Variants in CSF1R observed in about 807,000 individuals in gnomAD.
The protein encoded by CSF1R is macrophage colony-stimulating factor 1 receptor.
CSF1R carries 40 observed loss-of-function variants against 110.0 expected under a neutral mutation model. The observed-to-expected ratio is 0.36, with a 90% CI of 0.28 to 0.47. CSF1R has a LOEUF of 0.47. CSF1R is among the 20% of genes least tolerant of loss of function. The pLI is 0.99. For synonymous variants in CSF1R, 523 were observed against 503.4 expected (o/e 1.04, Z -0.52); for missense variants, 1,052 against 1,253.0 (o/e 0.84, Z 2.42).
At chr5:150,061,173 G>A (rs1440798439) in intron 12 of CSF1R, among the ~76,000 whole-genome samples, 1 of 152,206 alleles carries the variant, frequency 6.6e-6, no homozygotes. Flanking sequence ...GGATGAGCCT[G>A]TCACTGAGCT....
At chr5:150,062,117 C>T (rs146590564) in intron 10 of CSF1R, among the ~76,000 whole-genome samples, 2 of 152,264 alleles carry the variant, frequency 1.3e-5, no homozygotes, top group African/African-American at 2.4e-5. Context: ...AAGACAACCT[C>T]TGAGGGCCCT....
upstream of CSF1R, among the ~76,000 whole-genome samples, chr5:150,090,808 T>C (rs567857933): frequency 1.3e-5 from 2 of 151,980 alleles, no homozygotes; most frequent in East Asian, 3.9e-4. Context: ...AAGAATAGAC[T>C]CCAAAAGTGG....
chr5:150,063,197 C>T (rs1757609051), intron 10 of CSF1R, among the ~76,000 whole-genome samples: 2 of 152,058 alleles, frequency 1.3e-5, no homozygotes, highest in South Asian at 2.1e-4. Context: ...TTTGTAGAGA[C>T]GGGGCTTTGT....
chr5:150,107,414 G>C (rs141617898), intron 1 of CSF1R, among the ~76,000 whole-genome samples: 1 of 152,272 alleles, frequency 6.6e-6, no homozygotes, highest in Non-Finnish European at 1.5e-5. Flanking sequence ...GGACTGTTCT[G>C]GTTGATCCAT....
intron 1 of CSF1R, among the ~76,000 whole-genome samples, chr5:150,095,575 A>G (rs1352751764): frequency 1.3e-5 from 2 of 152,160 alleles, no homozygotes; most frequent in African/African-American, 4.8e-5. Flanking sequence ...GAATTGGATA[A>G]GAAAACAATG....
At position 150,105,157 on chromosome 5, in the gene CSF1R, G is replaced by T. The variant is rs1759509709; in HGVS notation, c.-181+8104C>A. On this transcript the variant is annotated intron_variant, in intron 1 of 21. Coordinates refer to the CSF1R transcript ENST00000286301. ...AGATCAGGAGATGGAGACCAGCCTGGCTAACACAGTGAAACCCTGTCTCTC... is the reference window on the plus strand; with the variant it reads ...AGATCAGGAGATGGAGACCAGCCTGTCTAACACAGTGAAACCCTGTCTCTC... 2.6e-5 allele frequency among the ~76,000 whole-genome samples: 4 copies of T among 151,300 alleles called. No homozygotes were observed. The South Asian group carries it at 6.3e-4, about 24-fold the overall frequency.
intron 1 of CSF1R, among the ~76,000 whole-genome samples, chr5:150,084,715 G>A (rs1758756310): frequency 6.6e-6 from 1 of 151,910 alleles, no homozygotes; most frequent in Non-Finnish European, 1.5e-5. Flanking sequence ...GCCTCCCAGA[G>A]TGCTGGGATT....
At chr5:150,065,821 A>G (rs529408661) in intron 10 of CSF1R, among the ~76,000 whole-genome samples, 23 of 152,324 alleles carry the variant, frequency 1.5e-4, no homozygotes, top group African/African-American at 5.5e-4. Context: ...GACATGTTCC[A>G]AAAATGGTCC....
At chr5:150,100,860 A>G (rs577072584) in intron 1 of CSF1R, among the ~76,000 whole-genome samples, 2 of 152,316 alleles carry the variant, frequency 1.3e-5, no homozygotes, top group East Asian at 1.9e-4. Context: ...GTATTTATAT[A>G]ATAGTATAAT....
At chr5:150,076,635 C>T (rs151023078) in intron 5 of CSF1R, among the ~76,000 whole-genome samples, 99 of 152,314 alleles carry the variant, frequency 6.5e-4, no homozygotes, top group African/African-American at 2.2e-3. Context: ...CCTTTACCTC[C>T]GGCTTCTGCC....
intron 1 of CSF1R, among the ~76,000 whole-genome samples, chr5:150,102,983 A>T (rs1441636197): frequency 6.6e-6 from 1 of 152,184 alleles, no homozygotes; most frequent in Non-Finnish European, 1.5e-5. Flanking sequence ...AGGCTGAGCC[A>T]TTTATTGTTT....
intron 14 of CSF1R, 100 bp downstream of exon 14, chr5:150,059,600 C>T: frequency 7.1e-7 from 1 of 1,418,018 alleles, no homozygotes; most frequent in Non-Finnish European, 9.7e-7. Flanking sequence ...GCTGCATAGC[C>T]ACCCATTCAT....
At position 150,053,505 on chromosome 5, in the gene CSF1R, G is replaced by C. The variant is rs1326625086; in HGVS notation, c.*564C>G. 1 of 238,518 alleles carries C rather than the reference G, an allele frequency of 4.2e-6. No homozygotes were observed. Among genetic ancestry groups the C allele is most frequent in the Non-Finnish European group, 8.3e-6 (1 of 120,988 alleles). The allele number at this position is 238,518 out of a possible 1,614,324, so 14.8% of individuals were successfully genotyped here. A position where few individuals can be genotyped will look rare whatever the true frequency, so the allele number is the denominator to read the frequency against. ...GGCTCATTACAGCAGTACCAGTATG[G>C]GGGTGGGAGGGGTGAGGCTGTGGAG... On this transcript the variant is annotated 3_prime_UTR_variant, in exon 21 of 21. Coordinates refer to ENST00000675795, the MANE Select transcript of CSF1R (RefSeq NM_001288705.3).
At chr5:150,068,504 G>A (rs1032763648) in intron 9 of CSF1R, among the ~76,000 whole-genome samples, 174 bp from the exon 10 acceptor site, 1 of 152,140 alleles carries the variant, frequency 6.6e-6, no homozygotes, top group African/African-American at 2.4e-5. Context: ...CCCGAGAAAG[G>A]CAGAGAGGAC....
rs764885932 is a variant in CSF1R, at chr5:150,068,365, G to A, written c.1511-35C>T. Reference sequence around the variant, plus strand: ...ATGAAGCAAAGCAGTGAGCAGGCAGGGGTGCCTCCGAGCCCCCTGAGGTCA... The same window carrying A: ...ATGAAGCAAAGCAGTGAGCAGGCAGAGGTGCCTCCGAGCCCCCTGAGGTCA... On this transcript the variant is annotated intron_variant, in intron 9 of 20. Transcript: ENST00000675795. The A allele has an allele frequency of 1.4e-5, 22 of 1,541,892 alleles. No individual in the cohort carries two copies. The South Asian group carries it at 2.0e-4, about 14-fold the overall frequency.
chr5:150,059,615 C>T, intron 14 of CSF1R, 85 bp downstream of exon 14: 1 of 1,526,174 alleles, frequency 6.6e-7, no homozygotes, highest in Admixed American at 1.8e-5. Flanking sequence ...ATTCATGAGC[C>T]ATCCAACCCT....
chr5:150,061,463 C>A (rs1168476371), intron 12 of CSF1R, 28 bp downstream of exon 12: 1 of 1,118,566 alleles, frequency 8.9e-7, no homozygotes, highest in Non-Finnish European at 1.3e-6. Context: ...ACCCCCCATC[C>A]CTTCCCTCAT....
chr5:150,069,913 G>A lies in CSF1R; in HGVS notation c.1470C>T (p.Ser490=), dbSNP rs1052878731. 6.2e-6 allele frequency: 10 copies of A among 1,613,752 alleles called. No individual in the cohort carries two copies. The highest frequency in any genetic ancestry group is 1.7e-5 in the Admixed American group (1 of 59,994). ...NQTYECRAHN[S]VGSGSWAFIP... ...TGAAGGCCCAGGAGCCACTCCCCAC[G>A]CTGTTGTGGGCCCTGCACTCGTAGG... The change falls in exon 9 of 21, where the codon AGC becomes AGT. Residue 490 remains serine, a synonymous_variant. Transcript: ENST00000675795.
In CSF1R at chr5:150,070,510, G is replaced by A. The variant is rs2113810033; in HGVS notation, c.1144C>T (p.Leu382=). Residue 382 remains leucine, a synonymous_variant, in exon 7 of 21, where the codon CTG becomes TTG. Coordinates refer to ENST00000675795, the MANE Select transcript of CSF1R (RefSeq NM_001288705.3). ...CTCCAGCCTCCTGGGTTTCTGGCCA[G>A]GAAGGAGTAGCGGCCAGCCTCAGAG... ...KPSEAGRYSF[L]ARNPGGWRAL... The A allele has an allele frequency of 3.9e-6, 6 of 1,555,772 alleles. No homozygotes were observed. The highest frequency in any genetic ancestry group is 5.2e-6 in the Non-Finnish European group (6 of 1,149,580).
Sources: gnomAD v4.1 joint callset for allele counts (sites outside exome capture counted in the v4.1 genomes callset) on GRCh38, gnomAD v4.1.1 for gene constraint, MANE v1.5 for transcripts, NCBI Gene and HGNC (gene_info 2026-07-23, HGNC 2026-07-21) for gene names.